Variants in KCTD16 observed in about 807,000 individuals in gnomAD.
KCTD16 encodes the protein potassium channel tetramerization domain containing 16, also known as BTB/POZ domain-containing protein KCTD16.
A neutral mutation model predicts 33.2 loss-of-function variants in KCTD16; 13 were observed. The observed-to-expected ratio is 0.39, with a 90% confidence interval of 0.25 to 0.62. The LOEUF is 0.62. Among genes scored for constraint, KCTD16 ranks in the 20% least tolerant of loss-of-function variants. The probability of loss-of-function intolerance (pLI) is 0.50; values close to 1 mark genes in which losing one functional copy is unlikely to be tolerated. For synonymous variants in KCTD16, 197 were observed against 195.3 expected (o/e 1.01, Z -0.07); for missense variants, 441 against 525.1 (o/e 0.84, Z 1.57).
intron 3 of KCTD16, among the ~76,000 whole-genome samples, chr5:144,470,144 C>T (rs1226974110): frequency 6.6e-6 from 1 of 151,994 alleles, no homozygotes; most frequent in Non-Finnish European, 1.5e-5. Flanking sequence ...TTTATGAGAT[C>T]GTTATTTGGT....
In KCTD16 at chr5:144,203,671, G is replaced by A. The variant is rs1445894596; in HGVS notation, c.-326-2718G>A. On this transcript the variant is annotated intron_variant, in intron 2 of 3. Coordinates refer to ENST00000512467, the MANE Select transcript of KCTD16 (RefSeq NM_020768.4). ...TTCATACCTGAGCTCCAAAGCTATC[G>A]TCATGACGTTTTGACCTACTCTCTT... Among the ~76,000 whole-genome samples, 3 of 152,152 alleles carry A rather than the reference G, an allele frequency of 2.0e-5. No homozygotes were observed. The South Asian group carries it at 6.2e-4, about 32-fold the overall frequency.
At chr5:144,277,458 T>C (rs888304614) in intron 3 of KCTD16, among the ~76,000 whole-genome samples, 3 of 152,226 alleles carry the variant, frequency 2.0e-5, no homozygotes, top group South Asian at 2.1e-4. Flanking sequence ...ATTTCAATTA[T>C]TGACTACTAA....
intron 3 of KCTD16, among the ~76,000 whole-genome samples, chr5:144,349,537 A>G (rs1377205170): frequency 6.6e-6 from 1 of 152,194 alleles, no homozygotes; most frequent in Non-Finnish European, 1.5e-5. Context: ...GCCCTCATTC[A>G]CTAAGATTGG....
chr5:144,418,453 A>G (rs984877326), intron 3 of KCTD16, among the ~76,000 whole-genome samples: 24 of 152,116 alleles, frequency 1.6e-4, no homozygotes, highest in African/African-American at 5.6e-4. Context: ...TGGTGTGTTT[A>G]CAAACCTTTA....
chr5:144,458,448 C>T (rs139351090), intron 3 of KCTD16, among the ~76,000 whole-genome samples: 28 of 152,306 alleles, frequency 1.8e-4, no homozygotes, highest in African/African-American at 5.5e-4. Context: ...TGGAGACTTT[C>T]TCTGTTCCAA....
intron 3 of KCTD16, among the ~76,000 whole-genome samples, chr5:144,401,293 A>G (rs980038986): frequency 6.6e-6 from 1 of 152,218 alleles, no homozygotes; most frequent in Non-Finnish European, 1.5e-5. Flanking sequence ...ATGGATAACT[A>G]TTGATAACTA....
At chr5:144,446,934 T>C (rs1317519665) in intron 3 of KCTD16, among the ~76,000 whole-genome samples, 2 of 152,078 alleles carry the variant, frequency 1.3e-5, no homozygotes, top group Non-Finnish European at 2.9e-5. Flanking sequence ...TGTGGAGAAA[T>C]AGGAATGCTT....
chr5:144,458,451 T>C (rs1032486812), intron 3 of KCTD16, among the ~76,000 whole-genome samples: 1 of 152,208 alleles, frequency 6.6e-6, no homozygotes, highest in Non-Finnish European at 1.5e-5. Context: ...AGACTTTCTC[T>C]GTTCCAAGAT....
intron 3 of KCTD16, among the ~76,000 whole-genome samples, chr5:144,282,759 T>C (rs564663480): frequency 6.6e-6 from 1 of 152,290 alleles, no homozygotes; most frequent in African/African-American, 2.4e-5. Flanking sequence ...CCCAGTCTTA[T>C]GACTGGGTCT....
intron 3 of KCTD16, among the ~76,000 whole-genome samples, chr5:144,240,151 G>T (rs1754362270): frequency 6.6e-6 from 1 of 152,080 alleles, no homozygotes; most frequent in Non-Finnish European, 1.5e-5. Context: ...GGTAAAATCA[G>T]ATTTCAAACC....
At chr5:144,402,813 A>G (rs1036185866) in intron 3 of KCTD16, among the ~76,000 whole-genome samples, 1 of 152,148 alleles carries the variant, frequency 6.6e-6, no homozygotes, top group Non-Finnish European at 1.5e-5. Flanking sequence ...TAGTGCATTC[A>G]TTTTCTACTG....
intron 3 of KCTD16, among the ~76,000 whole-genome samples, chr5:144,423,227 G>T (rs148789038): frequency 0.011 from 1,725 of 152,156 alleles, 35 homozygotes; most frequent in Admixed American, 0.054. Context: ...CAAAGACACC[G>T]GTCACATAAG....
chr5:144,177,467 GT>G (rs1214234898), intron 2 of KCTD16, among the ~76,000 whole-genome samples: 1 of 152,170 alleles, frequency 6.6e-6, no homozygotes, highest in Non-Finnish European at 1.5e-5. Context: ...TGAAATCAAG[GT>G]TTTGGCAAGG....
At chr5:144,315,358 T>C (rs1021657849) in intron 3 of KCTD16, among the ~76,000 whole-genome samples, 5 of 152,206 alleles carry the variant, frequency 3.3e-5, no homozygotes, top group Non-Finnish European at 5.9e-5. Flanking sequence ...TAAAGTGCCC[T>C]AACATTTTTA....
intron 3 of KCTD16, among the ~76,000 whole-genome samples, chr5:144,412,567 T>C (rs1172658680): frequency 6.6e-6 from 1 of 152,034 alleles, no homozygotes; most frequent in Non-Finnish European, 1.5e-5. Flanking sequence ...TGGATTCAAA[T>C]ATACAGTTTA....
intron 2 of KCTD16, among the ~76,000 whole-genome samples, chr5:144,205,066 C>T (rs1320661731): frequency 6.6e-6 from 1 of 151,850 alleles, no homozygotes; most frequent in East Asian, 1.9e-4. Context: ...CAACTTACCT[C>T]TTGGGTAGGG....
chr5:144,359,242 C>T (rs983413084), intron 3 of KCTD16, among the ~76,000 whole-genome samples: 15 of 152,286 alleles, frequency 9.8e-5, no homozygotes, highest in Middle Eastern at 3.4e-3. Flanking sequence ...GTTTAGGTTA[C>T]AAGTTCTGTT....
At chr5:144,379,814 C>A (rs765709296) in intron 3 of KCTD16, among the ~76,000 whole-genome samples, 6 of 152,078 alleles carry the variant, frequency 3.9e-5, no homozygotes, top group Non-Finnish European at 8.8e-5. Flanking sequence ...ATATTTATCA[C>A]TGACTTGAGA....
intron 3 of KCTD16, among the ~76,000 whole-genome samples, chr5:144,328,160 A>G (rs565622889): frequency 6.6e-6 from 1 of 152,280 alleles, no homozygotes; most frequent in South Asian, 2.1e-4. Context: ...CTCAATAAAT[A>G]TTTTTAGAAA....
Sources: allele counts gnomAD v4.1 joint callset (sites outside exome capture counted in the v4.1 genomes callset), GRCh38; gene constraint gnomAD v4.1.1; transcripts MANE v1.5; gene names NCBI Gene and HGNC (gene_info 2026-07-23, HGNC 2026-07-21).